The following CTNNA3 variants were observed in gnomAD, a reference collection of about 807,000 sequenced individuals.
CTNNA3 encodes catenin alpha 3.
CTNNA3 carries 76 observed loss-of-function variants against 95.7 expected under a neutral mutation model. That is an observed-to-expected ratio of 0.79 (90% CI 0.66 to 0.96). CTNNA3 has a LOEUF of 0.96. Among genes scored for constraint, CTNNA3 ranks in the 40% least tolerant of loss-of-function variants. CTNNA3 has a pLI of 0.00. For synonymous variants in CTNNA3, 431 were observed against 374.4 expected (o/e 1.15, Z -1.74); for missense variants, 1,191 against 1,089.8 (o/e 1.09, Z -1.31).
intron 12 of CTNNA3, among the ~76,000 whole-genome samples, chr10:66,329,986 C>T (rs1012802850): frequency 3.3e-5 from 5 of 151,892 alleles, no homozygotes; most frequent in African/African-American, 1.2e-4. Flanking sequence ...TTAAATGGGA[C>T]ATGATTCCAA....
At chr10:66,365,229 T>G (rs2092703087) in intron 12 of CTNNA3, among the ~76,000 whole-genome samples, 1 of 152,154 alleles carries the variant, frequency 6.6e-6, no homozygotes, top group African/African-American at 2.4e-5. Context: ...GTTCATGTCC[T>G]TTGCAGAGAC....
intron 7 of CTNNA3, among the ~76,000 whole-genome samples, chr10:66,909,412 A>G (rs1315187841): frequency 6.6e-6 from 1 of 152,146 alleles, no homozygotes; most frequent in African/African-American, 2.4e-5. Context: ...CAGGAGGTTG[A>G]TGCAGGAGAA....
chr10:66,525,756 C>A (rs1841234620), intron 10 of CTNNA3, among the ~76,000 whole-genome samples: 1 of 152,094 alleles, frequency 6.6e-6, no homozygotes, highest in African/African-American at 2.4e-5. Context: ...ATCTCCAGAA[C>A]TTTTTAGCAC....
At position 66,055,921 on chromosome 10, in the gene CTNNA3, C is replaced by CAAAA. The variant is rs386371652; in HGVS notation, c.2159+13383_2159+13386dup. On this transcript the variant is annotated intron_variant, in intron 15 of 17. Transcript: ENST00000433211. ...TGGGCGACAGAGCGAGACTCCATCT[C>CAAAA]AAAAAAAAAAAAAAAAAAAAAAGAT... Among the ~76,000 whole-genome samples the CAAAA allele has an allele frequency of 1.3e-3, 81 of 60,084 alleles. 1 individual carries two copies. The highest frequency in any genetic ancestry group is 0.01 in the Middle Eastern group (1 of 98). The allele number at this position is 60,084 out of a possible 152,430, so 39.4% of individuals were successfully genotyped here.
At chr10:65,949,832 G>C (rs2077580134) in intron 17 of CTNNA3, among the ~76,000 whole-genome samples, 1 of 152,044 alleles carries the variant, frequency 6.6e-6, no homozygotes, top group South Asian at 2.1e-4. Context: ...CCAGAAGAAG[G>C]AGCAGCTGTG....
Position 66,927,525 on chromosome 10 carries a change from C to G in CTNNA3, c.1048-152001G>C. On this transcript the variant is annotated intron_variant, in intron 7 of 17. Coordinates refer to ENST00000433211, the MANE Select transcript of CTNNA3 (RefSeq NM_013266.4). The surrounding 1 kb of genome is among the most constrained non-coding windows in gnomAD (Gnocchi z 4.7). ...GTTTAGCCAGGAATGTCTTTGCTGG[C>G]ATGATCAGACTCAAAGAACTTCACC... 1 of 1,614,182 alleles carries G rather than the reference C, an allele frequency of 6.2e-7. No homozygotes were observed. The highest frequency in any genetic ancestry group is 8.5e-7 in the Non-Finnish European group (1 of 1,180,044).
intron 10 of CTNNA3, among the ~76,000 whole-genome samples, chr10:66,539,942 AAT>A (rs1464670573): frequency 1.3e-5 from 2 of 152,094 alleles, no homozygotes; most frequent in Non-Finnish European, 2.9e-5. Flanking sequence ...AAATACCTAT[AAT>A]AGTCCTGGTC....
intron 1 of CTNNA3, among the ~76,000 whole-genome samples, chr10:67,742,959 T>C (rs539036530): frequency 6.6e-6 from 1 of 151,174 alleles, no homozygotes; most frequent in Non-Finnish European, 1.5e-5. Context: ...CAGGAAGAAG[T>C]TGAATCTCTG....
intron 5 of CTNNA3, among the ~76,000 whole-genome samples, chr10:67,356,309 C>T (rs1011615537): frequency 6.6e-6 from 1 of 152,048 alleles, no homozygotes; most frequent in African/African-American, 2.4e-5. Flanking sequence ...GTCCTACTTC[C>T]TCATCATTGT....
chr10:67,649,177 G>A (rs1394507419), intron 1 of CTNNA3, among the ~76,000 whole-genome samples: 1 of 152,154 alleles, frequency 6.6e-6, no homozygotes, highest in Non-Finnish European at 1.5e-5. Context: ...CCATTGCTTT[G>A]TTCTTTCATC....
intron 5 of CTNNA3, among the ~76,000 whole-genome samples, chr10:67,284,964 A>T (rs1373142529): frequency 6.6e-6 from 1 of 152,136 alleles, no homozygotes; most frequent in Admixed American, 6.6e-5. Flanking sequence ...ACCTATGCCC[A>T]GGGGTAATTG....
At chr10:67,004,732 TATATC>T (rs1851875971) in intron 7 of CTNNA3, among the ~76,000 whole-genome samples, 5 of 152,230 alleles carry the variant, frequency 3.3e-5, no homozygotes, top group East Asian at 3.8e-4. Flanking sequence ...CTTTTTAACT[TATATC>T]ATGTCAATTA....
intron 7 of CTNNA3, among the ~76,000 whole-genome samples, chr10:66,819,275 CT>C (rs1842213392): frequency 6.6e-6 from 1 of 151,936 alleles, no homozygotes; most frequent in Non-Finnish European, 1.5e-5. Flanking sequence ...TCTGGGACAA[CT>C]GGATATCCAC....
At chr10:66,829,549 G>C (rs1842637728) in intron 7 of CTNNA3, among the ~76,000 whole-genome samples, 1 of 151,164 alleles carries the variant, frequency 6.6e-6, no homozygotes, top group South Asian at 2.1e-4. Context: ...GGAGGCAGAG[G>C]TTGCAGGGAG....
intron 15 of CTNNA3, among the ~76,000 whole-genome samples, chr10:66,026,022 C>T (rs996386195): frequency 2.6e-5 from 4 of 152,134 alleles, no homozygotes; most frequent in Non-Finnish European, 4.4e-5. Flanking sequence ...TGTTTTACAT[C>T]TCCCCCTTCA....
At chr10:66,588,617 A>C (rs1843441073) in intron 10 of CTNNA3, among the ~76,000 whole-genome samples, 1 of 152,158 alleles carries the variant, frequency 6.6e-6, no homozygotes, top group South Asian at 2.1e-4. Flanking sequence ...TAGGGTATGC[A>C]TTTGAAGACT....
chr10:66,956,818 C>G (rs974913107), intron 7 of CTNNA3, among the ~76,000 whole-genome samples: 3 of 152,202 alleles, frequency 2.0e-5, no homozygotes, highest in Admixed American at 1.3e-4. Context: ...ACAGGCTCAA[C>G]AGTAACCAAT....
At chr10:67,580,041 G>A (rs1009205118) in intron 3 of CTNNA3, among the ~76,000 whole-genome samples, 53 of 152,048 alleles carry the variant, frequency 3.5e-4, no homozygotes, top group East Asian at 1.2e-3. Context: ...TCTGCTGTGC[G>A]GAAGCTCTTT....
upstream of CTNNA3, among the ~76,000 whole-genome samples, chr10:67,697,085 G>A (rs74567331): frequency 2.9e-3 from 447 of 152,290 alleles, 2 homozygotes; most frequent in African/African-American, 1.0e-2. Context: ...GGAAAGGCAG[G>A]GTCTGGGAAC....
Sources: gnomAD v4.1 joint callset for allele counts (sites outside exome capture counted in the v4.1 genomes callset) on GRCh38, gnomAD v4.1.1 for gene constraint, Gnocchi (gnomAD v3.1) non-coding constraint, MANE v1.5 for transcripts, NCBI Gene and HGNC (gene_info 2026-07-23, HGNC 2026-07-21) for gene names.